Variants in IGSF5 observed in about 807,000 individuals in gnomAD.
IGSF5 encodes immunoglobulin superfamily 5 like.
A neutral mutation model predicts 39.4 loss-of-function variants in IGSF5; 41 were observed. The observed-to-expected ratio is 1.04, with a 90% CI of 0.81 to 1.35. The LOEUF (loss-of-function observed/expected upper bound fraction) is 1.35, where lower values mean the gene tolerates loss of function less well. Among genes scored for constraint, IGSF5 ranks in the 40% most tolerant of loss-of-function variants. IGSF5 has a pLI of 0.00. For missense variants in IGSF5, 487 were observed against 494.6 expected, an observed-to-expected ratio of 0.98 and a Z score of 0.15; for synonymous variants, 183 against 175.3, an observed-to-expected ratio of 1.04 and a Z score of -0.34.
At chr21:39,792,442 C>T (rs2009096) in intron 7 of IGSF5, among the ~76,000 whole-genome samples, 29,271 of 151,946 alleles carry the variant, frequency 0.19, 2,831 homozygotes, top group South Asian at 0.24. Flanking sequence ...GACAAGTTAA[C>T]GGGTGCAGCA....
rs115802366 is a variant in IGSF5 at position 39,788,263 on chromosome 21, C to T, written c.956+75C>T. 6.3e-4 allele frequency: 667 copies of T among 1,058,556 alleles called. 2 individuals are homozygous for T. The African/African-American group carries it at 8.0e-3, about 13-fold the overall frequency. The allele number at this position is 1,058,556 out of a possible 1,614,324, so 65.6% of individuals were successfully genotyped here. ...AACAACAACAATAATAACAACAATA[C>T]GTACACACAACTGCGGGATTTTTGG... On this transcript the variant is annotated intron_variant, in intron 6 of 8. Transcript: ENST00000380588.
intron 8 of IGSF5, among the ~76,000 whole-genome samples, chr21:39,797,379 C>T (rs1026890234): frequency 1.3e-5 from 2 of 151,972 alleles, no homozygotes; most frequent in African/African-American, 4.8e-5. Context: ...CCACCATGCC[C>T]AGCTAATTTT....
At chr21:39,779,069 A>G (rs747334187) in intron 4 of IGSF5, 21 bp from the exon 5 acceptor site, 78 of 1,610,004 alleles carry the variant, frequency 4.8e-5, no homozygotes, top group Non-Finnish European at 6.5e-5. Context: ...TATCACTAAA[A>G]TATATTTTTT....
chr21:39,735,884 CA>C, the IGSF5 span, among the ~76,000 whole-genome samples: 1 of 152,212 alleles, frequency 6.6e-6, no homozygotes, highest in Non-Finnish European at 1.5e-5. Flanking sequence ...CCCTTAAGAG[CA>C]GCTCAGGCCC....
intron 8 of IGSF5, 81 bp downstream of exon 8, chr21:39,793,694 G>T (rs1601143304): frequency 8.9e-7 from 1 of 1,121,948 alleles, no homozygotes; most frequent in African/African-American, 1.5e-5. Context: ...ATTATAAAAT[G>T]GTGCGCGTTG....
At chr21:39,789,179 T>C (rs2086945190) in intron 6 of IGSF5, among the ~76,000 whole-genome samples, 1 of 138,240 alleles carries the variant, frequency 7.2e-6, no homozygotes, top group Admixed American at 8.3e-5. Context: ...CGGTTCACCA[T>C]TGTTGACTGT....
chr21:39,790,820 C>A (rs1273975340), intron 6 of IGSF5, among the ~76,000 whole-genome samples: 1 of 151,882 alleles, frequency 6.6e-6, no homozygotes, highest in African/African-American at 2.4e-5. Context: ...AACAATGGAT[C>A]AAAAATATTT....
At chr21:39,800,901 A>G (rs921377724) in intron 8 of IGSF5, among the ~76,000 whole-genome samples, 1 of 152,232 alleles carries the variant, frequency 6.6e-6, no homozygotes, top group African/African-American at 2.4e-5. Flanking sequence ...TCTAGAAACA[A>G]TGCACGCTCT....
At chr21:39,775,810 C>G (rs553338879) in intron 4 of IGSF5, among the ~76,000 whole-genome samples, 2 of 152,304 alleles carry the variant, frequency 1.3e-5, no homozygotes, top group East Asian at 3.9e-4. Context: ...CCATAGGGTA[C>G]AAGGCACAGA....
chr21:39,751,999 T>A (rs916143086), intron 2 of IGSF5, among the ~76,000 whole-genome samples: 1 of 152,212 alleles, frequency 6.6e-6, no homozygotes, highest in Non-Finnish European at 1.5e-5. Context: ...TTACAGCTAT[T>A]TCTTTCTTCT....
chr21:39,752,239 C>T (rs973623074), intron 2 of IGSF5, among the ~76,000 whole-genome samples: 3 of 152,328 alleles, frequency 2.0e-5, no homozygotes, highest in East Asian at 1.9e-4. Context: ...TTAGCTCCCA[C>T]TTATAAGTGA....
chr21:39,769,226 A>T (rs1445091025), intron 3 of IGSF5, among the ~76,000 whole-genome samples: 1 of 152,240 alleles, frequency 6.6e-6, no homozygotes, highest in East Asian at 1.9e-4. Flanking sequence ...CTGTAATCCC[A>T]GCATTTTGGG....
At chr21:39,747,077 C>T (rs1602361758) in intron 2 of IGSF5, among the ~76,000 whole-genome samples, 1 of 152,300 alleles carries the variant, frequency 6.6e-6, no homozygotes, top group Non-Finnish European at 1.5e-5. Context: ...ACACAACTAA[C>T]CTGGTGAATT....
the IGSF5 span, among the ~76,000 whole-genome samples, chr21:39,728,661 T>C: frequency 0.06 from 9,189 of 152,282 alleles, 322 homozygotes; most frequent in African/African-American, 0.097. Flanking sequence ...CAATCCATTT[T>C]TCCAGAGTTT....
chr21:39,756,124 A>G (rs1329936373), intron 2 of IGSF5, among the ~76,000 whole-genome samples: 1 of 152,060 alleles, frequency 6.6e-6, no homozygotes, highest in Non-Finnish European at 1.5e-5. Flanking sequence ...CAAACAAACG[A>G]AAGAATTACA....
chr21:39,716,580 T>C, the IGSF5 span, among the ~76,000 whole-genome samples: 1 of 152,204 alleles, frequency 6.6e-6, no homozygotes, highest in Admixed American at 6.5e-5. Context: ...CTCCCGCTTG[T>C]AAGTGAGAAA....
At chr21:39,740,750 T>C (rs373714545), upstream of IGSF5, among the ~76,000 whole-genome samples, 1 of 152,328 alleles carries the variant, frequency 6.6e-6, no homozygotes, top group Non-Finnish European at 1.5e-5. Flanking sequence ...CTTTTCTTCA[T>C]TGTGTGGAAG....
chr21:39,783,370 G>C (rs1287727960), intron 5 of IGSF5, among the ~76,000 whole-genome samples: 1 of 152,038 alleles, frequency 6.6e-6, no homozygotes, highest in Non-Finnish European at 1.5e-5. Flanking sequence ...ATTCTCACCA[G>C]CATTTTTATT....
At chr21:39,725,372 C>T in the IGSF5 span, among the ~76,000 whole-genome samples, 27 of 152,236 alleles carry the variant, frequency 1.8e-4, no homozygotes, top group South Asian at 1.2e-3. Flanking sequence ...TAAATGAAAC[C>T]GAGATATTTT....
Sources: allele counts gnomAD v4.1 joint callset (sites outside exome capture counted in the v4.1 genomes callset), GRCh38; gene constraint gnomAD v4.1.1; transcripts MANE v1.5; gene names NCBI Gene and HGNC (gene_info 2026-07-23, HGNC 2026-07-21).